The following SHISA5 variants were observed in gnomAD, a reference collection of about 807,000 sequenced individuals.
SHISA5 encodes the protein shisa family member 5.
A neutral mutation model predicts 27.5 loss-of-function variants in SHISA5; 21 were observed. The observed-to-expected ratio is 0.76, with a 90% CI of 0.54 to 1.10. The LOEUF (loss-of-function observed/expected upper bound fraction) is 1.10, where lower values mean the gene tolerates loss of function less well. SHISA5 is among the 50% of genes least tolerant of loss of function. The probability of loss-of-function intolerance (pLI) is 0.00; values close to 1 mark genes in which losing one functional copy is unlikely to be tolerated. For missense variants in SHISA5, 314 were observed against 336.3 expected (o/e 0.93, Z 0.52); for synonymous variants, 137 against 142.2 (o/e 0.96, Z 0.26).
intron 1 of SHISA5, among the ~76,000 whole-genome samples, chr3:48,501,705 C>T (rs1285245419): frequency 6.6e-6 from 1 of 152,116 alleles, no homozygotes. Flanking sequence ...GTCCACACTC[C>T]GCTCACATTC....
intron 2 of SHISA5, among the ~76,000 whole-genome samples, chr3:48,491,642 G>A (rs564091748): frequency 1.8e-4 from 27 of 151,928 alleles, no homozygotes; most frequent in African/African-American, 6.3e-4. Flanking sequence ...GTTTTCGTTT[G>A]TTTGTTTTTG....
rs566371845 is a variant in SHISA5, at chr3:48,470,502, A to G, written c.315-659T>C. 6.6e-6 allele frequency among the ~76,000 whole-genome samples: 1 copy of G among 152,150 alleles called. No individual in the cohort carries two copies. Among genetic ancestry groups the G allele is most frequent in the East Asian group, 1.9e-4 (1 of 5,156 alleles). On this transcript the variant is annotated intron_variant, in intron 3 of 5. Coordinates refer to ENST00000296444, the MANE Select transcript of SHISA5 (RefSeq NM_016479.6). The surrounding 1 kb of genome is among the most constrained non-coding windows in gnomAD (Gnocchi z 4.3). The stretch of plus-strand genomic sequence containing the variant: ...GGTCACACACACCCCTGGGTCCCCC[A>G]CCTCTGACCTGCATGGCCACTTCCA...
chr3:48,491,059 T>C (rs554576347), intron 2 of SHISA5, among the ~76,000 whole-genome samples: 1 of 146,850 alleles, frequency 6.8e-6, no homozygotes, highest in African/African-American at 2.5e-5. Flanking sequence ...GGCTAGAAGC[T>C]CCCCACCCTC....
intron 2 of SHISA5, among the ~76,000 whole-genome samples, chr3:48,481,741 C>T (rs1390796002): frequency 1.3e-5 from 2 of 150,894 alleles, no homozygotes; most frequent in Non-Finnish European, 2.9e-5. Context: ...GAGCCAAGAT[C>T]ATGCCATTGC....
chr3:48,479,195 T>TA lies in SHISA5; in HGVS notation c.295dup (p.Tyr99LeufsTer222). On this transcript the variant is annotated frameshift_variant, in exon 3 of 6. Transcript: ENST00000296444. LOFTEE classifies it high-confidence loss of function. ...TACTTACCCTGACATGGGGTCGTTG[T>TA]AGCCAGGGCGAAACCTCAGCGCCGA... The TA allele has an allele frequency of 6.2e-7, 1 of 1,610,338 alleles. No homozygotes were observed.
At chr3:48,489,331 T>C (rs1177417982) in intron 2 of SHISA5, among the ~76,000 whole-genome samples, 1 of 152,038 alleles carries the variant, frequency 6.6e-6, no homozygotes, top group Non-Finnish European at 1.5e-5. Flanking sequence ...TTTTTATTTT[T>C]TTATTTTTTA....
intron 2 of SHISA5, among the ~76,000 whole-genome samples, chr3:48,489,500 G>A (rs528707616): frequency 6.6e-6 from 1 of 150,588 alleles, no homozygotes; most frequent in Non-Finnish European, 1.5e-5. Flanking sequence ...TTTCTATTTT[G>A]TTCAGCAGAG....
intron 3 of SHISA5, among the ~76,000 whole-genome samples, chr3:48,478,321 C>T (rs1428094353): frequency 6.6e-6 from 1 of 152,198 alleles, no homozygotes; most frequent in Non-Finnish European, 1.5e-5. Context: ...CCCACACCTG[C>T]CTGGGCCTAC....
chr3:48,486,516 C>A (rs55645160), intron 2 of SHISA5, among the ~76,000 whole-genome samples: 5 of 101,742 alleles, frequency 4.9e-5, no homozygotes, highest in African/African-American at 4.0e-5. Flanking sequence ...ATATAATATA[C>A]AATATATATA....
chr3:48,490,396 G>T (rs2107360154), intron 2 of SHISA5, among the ~76,000 whole-genome samples: 1 of 152,320 alleles, frequency 6.6e-6, no homozygotes, highest in Admixed American at 6.5e-5. Flanking sequence ...TTGAAGGCCA[G>T]GACCACCACC....
chr3:48,504,225 T>G (rs2107403056), upstream of SHISA5: 1 of 387,284 alleles, frequency 2.6e-6, no homozygotes. This position sits in a 1 kb window ranked among gnomAD's most constrained non-coding sequence, Gnocchi z 4.0. Context: ...GGAACCTCTG[T>G]CCGGGGGAGC....
At chr3:48,476,874 G>A (rs750367628) in intron 3 of SHISA5, 4 of 295,422 alleles carry the variant, frequency 1.4e-5, no homozygotes, top group Non-Finnish European at 2.7e-5. Context: ...AGCAGGGCAC[G>A]CCAAGCACAC....
At position 48,468,421 on chromosome 3, in the gene SHISA5, G is replaced by A; in HGVS notation, c.*686C>T. The A allele has an allele frequency of 9.8e-6, 11 of 1,117,584 alleles. No individual in the cohort carries two copies. Among genetic ancestry groups the A allele is most frequent in the Non-Finnish European group, 1.2e-5 (11 of 906,084 alleles). 69.2% of individuals were successfully genotyped at this position (1,117,584 alleles called of 1,614,324 possible). On this transcript the variant is annotated 3_prime_UTR_variant, in exon 6 of 6. Transcript: ENST00000296444. The stretch of plus-strand genomic sequence containing the variant: ...TCCAGCTGGTCCCAGGGGAGATGCG[G>A]GGACAGGGGACAGTCCAGGCAGACA...
Position 48,501,157 on chromosome 3 carries a change from C to T in SHISA5, c.213G>A (p.Arg71=), listed in dbSNP as rs2041741434. 1 of 1,612,614 alleles carries T rather than the reference C, an allele frequency of 6.2e-7. No homozygotes were observed. The highest frequency in any genetic ancestry group is 8.5e-7 in the Non-Finnish European group (1 of 1,179,358). Residue 71 remains arginine, a synonymous_variant, in exon 2 of 6, where the codon AGG becomes AGA. Coordinates refer to ENST00000296444, the MANE Select transcript of SHISA5 (RefSeq NM_016479.6). ...VLKKFVWSEE[R]CAVPEASVPA... is the part of the protein sequence containing the mutation. ...CCCACCTGGCCTCAGGCACAGCACA[C>T]CTTTCCTCGCTCCACACAAATTTCT...
chr3:48,492,198 C>A (rs947433394), intron 2 of SHISA5, among the ~76,000 whole-genome samples: 2 of 134,174 alleles, frequency 1.5e-5, no homozygotes, highest in Admixed American at 1.6e-4. Context: ...AGGCCAGGCG[C>A]GGTGGCTCAC....
chr3:48,503,596 G>A, intron 1 of SHISA5: 2 of 585,776 alleles, frequency 3.4e-6, no homozygotes, highest in African/African-American at 2.0e-5. Context: ...GGAACACAAG[G>A]GCCAACGGAG....
intron 2 of SHISA5, among the ~76,000 whole-genome samples, chr3:48,499,734 C>A (rs1163766048): frequency 7.0e-6 from 1 of 142,154 alleles, no homozygotes; most frequent in African/African-American, 2.7e-5. Context: ...TGTGGTGGTG[C>A]ACGCCTATAA....
intron 2 of SHISA5, among the ~76,000 whole-genome samples, chr3:48,499,596 C>T (rs887098981): frequency 1.3e-5 from 2 of 148,792 alleles, no homozygotes; most frequent in Non-Finnish European, 3.0e-5. Context: ...AGGAGAATGG[C>T]GTGAACCTGG....
chr3:48,496,287 G>A (rs1361654554), intron 2 of SHISA5, among the ~76,000 whole-genome samples: 10 of 118,044 alleles, frequency 8.5e-5, no homozygotes, highest in African/African-American at 2.3e-4. Flanking sequence ...GTGCGACTCC[G>A]TCAAAAAAAA....
Sources: gnomAD v4.1 joint callset for allele counts (sites outside exome capture counted in the v4.1 genomes callset) on GRCh38, gnomAD v4.1.1 for gene constraint, Gnocchi (gnomAD v3.1) non-coding constraint, MANE v1.5 for transcripts, NCBI Gene and HGNC (gene_info 2026-07-23, HGNC 2026-07-21) for gene names.